TTC28: variants seen among roughly 807,000 people sequenced by gnomAD.
TTC28 encodes tetratricopeptide repeat domain 28, also known as tetratricopeptide repeat protein 28.
Under a neutral mutation model 198.0 loss-of-function variants are expected in TTC28, and 61 were observed. That is an observed-to-expected ratio of 0.31 (90% CI 0.25 to 0.38). The LOEUF (loss-of-function observed/expected upper bound fraction) is 0.38. Among genes scored for constraint, TTC28 ranks in the 10% least tolerant of loss-of-function variants. The pLI is 1.00. For missense variants in TTC28, 2,678 were observed against 3,164.0 expected, an observed-to-expected ratio of 0.85 and a Z score of 3.69; for synonymous variants, 1,171 against 1,297.8, an observed-to-expected ratio of 0.90 and a Z score of 2.10.
chr22:28,337,466 TG>T (rs996792322), intron 2 of TTC28, among the ~76,000 whole-genome samples: 1 of 152,172 alleles, frequency 6.6e-6, no homozygotes, highest in Non-Finnish European at 1.5e-5. Context: ...TATTATTGTG[TG>T]GGGGTCTAAG....
chr22:28,562,864 T>C (rs1402311639), intron 2 of TTC28, among the ~76,000 whole-genome samples: 1 of 152,242 alleles, frequency 6.6e-6, no homozygotes, highest in East Asian at 1.9e-4. Context: ...GGCTCATGCC[T>C]GTAATCCCAG....
chr22:28,189,544 CAT>C (rs1422884223), intron 5 of TTC28, among the ~76,000 whole-genome samples: 1 of 149,176 alleles, frequency 6.7e-6, no homozygotes, highest in Non-Finnish European at 1.5e-5. Context: ...AAACTGAACA[CAT>C]GAGATTCTAC....
intron 2 of TTC28, among the ~76,000 whole-genome samples, chr22:28,505,181 C>T (rs932948008): frequency 1.4e-5 from 2 of 144,108 alleles, no homozygotes; most frequent in Non-Finnish European, 3.0e-5. Flanking sequence ...TGCTTGAATC[C>T]AGGAGGCGGA....
At position 28,055,337 on chromosome 22, in the gene TTC28, T is replaced by C. The variant is rs988750485; in HGVS notation, c.3933-24971A>G. 2.0e-5 allele frequency among the ~76,000 whole-genome samples: 3 copies of C among 152,024 alleles called. No individual in the cohort carries two copies. The East Asian group carries it at 5.8e-4, about 29-fold the overall frequency. On this transcript the variant is annotated intron_variant, in intron 12 of 22. Coordinates refer to ENST00000397906, the MANE Select transcript of TTC28 (RefSeq NM_001145418.2). ...TAGAACGATTAGTGGAAGAGCAAGA[T>C]TGGTATACACAAATCAATACTTCTA...
chr22:28,279,823 G>A (rs921612328), intron 5 of TTC28, among the ~76,000 whole-genome samples: 1 of 152,298 alleles, frequency 6.6e-6, no homozygotes, highest in Non-Finnish European at 1.5e-5. Context: ...TGATCTGACT[G>A]TTTTCGCTAC....
At chr22:28,389,970 G>C (rs2046687194) in intron 2 of TTC28, among the ~76,000 whole-genome samples, 1 of 151,172 alleles carries the variant, frequency 6.6e-6, no homozygotes, top group Admixed American at 6.6e-5. Flanking sequence ...GCTTTCTCTT[G>C]TGGGCATTTA....
intron 16 of TTC28, 84 bp from the exon 17 acceptor site, chr22:27,996,343 C>T (rs752423667): frequency 8.7e-6 from 13 of 1,500,388 alleles, no homozygotes; most frequent in African/African-American, 2.8e-5. Context: ...ACTTACGCCT[C>T]GAGGTTAACC....
intron 2 of TTC28, among the ~76,000 whole-genome samples, chr22:28,522,230 G>A (rs1351496973): frequency 1.3e-5 from 2 of 152,194 alleles, no homozygotes; most frequent in Non-Finnish European, 2.9e-5. Context: ...GCTCACGCCT[G>A]TAATCCCAAC....
chr22:28,147,600 C>A (rs1463540220), intron 6 of TTC28, among the ~76,000 whole-genome samples: 1 of 152,122 alleles, frequency 6.6e-6, no homozygotes, highest in African/African-American at 2.4e-5. Flanking sequence ...GCTCTAGGCC[C>A]ACACCCCAGC....
At chr22:28,576,516 AC>A (rs2050153186) in intron 2 of TTC28, among the ~76,000 whole-genome samples, 1 of 151,082 alleles carries the variant, frequency 6.6e-6, no homozygotes, top group South Asian at 2.1e-4. Context: ...GTTTGGAAGT[AC>A]TCCTTCCTCC....
chr22:28,532,277 A>T (rs2049157816), intron 2 of TTC28, among the ~76,000 whole-genome samples: 1 of 152,150 alleles, frequency 6.6e-6, no homozygotes, highest in Admixed American at 6.5e-5. Context: ...TATTATAAAC[A>T]CCTCTATGCA....
intron 5 of TTC28, among the ~76,000 whole-genome samples, chr22:28,232,205 A>G (rs1189140763): frequency 6.6e-6 from 1 of 152,218 alleles, no homozygotes; most frequent in Non-Finnish European, 1.5e-5. Context: ...TGGGCATCTG[A>G]CTGAAAGCCA....
intron 14 of TTC28, chr22:28,001,798 G>C (rs1018167404): frequency 3.8e-6 from 2 of 533,220 alleles, no homozygotes; most frequent in African/African-American, 3.8e-5. Context: ...GTCCTGAGAA[G>C]GTTAGAGGAC....
At chr22:28,044,385 T>A (rs932922348) in intron 12 of TTC28, among the ~76,000 whole-genome samples, 3 of 152,198 alleles carry the variant, frequency 2.0e-5, no homozygotes, top group Non-Finnish European at 4.4e-5. Flanking sequence ...ATGAATTCTG[T>A]GTGCTTTGCT....
At chr22:28,033,310 T>G (rs1939207492) in intron 12 of TTC28, among the ~76,000 whole-genome samples, 2 of 152,150 alleles carry the variant, frequency 1.3e-5, no homozygotes, top group African/African-American at 4.8e-5. Flanking sequence ...GCCTCATATC[T>G]ATATAGTAGG....
At position 28,004,649 on chromosome 22, in the gene TTC28, G is replaced by A. The variant is rs115793187; in HGVS notation, c.4219-3096C>T. ...CAGGTGACAGTCGCAGCTGTTCTCTGAAATGTGTGGGCTTGTGGGGAGACG... is the reference window on the plus strand; with the variant it reads ...CAGGTGACAGTCGCAGCTGTTCTCTAAAATGTGTGGGCTTGTGGGGAGACG... On this transcript the variant is annotated intron_variant, in intron 14 of 22. Transcript: ENST00000397906. Among the ~76,000 whole-genome samples the A allele has an allele frequency of 3.3e-3, 500 of 152,328 alleles. 2 individuals carry two copies. The highest frequency in any genetic ancestry group is 0.012 in the African/African-American group (486 of 41,580).
intron 5 of TTC28, among the ~76,000 whole-genome samples, chr22:28,270,347 TAAAG>T (rs767389659): frequency 6.6e-6 from 1 of 151,936 alleles, no homozygotes; most frequent in South Asian, 2.1e-4. Context: ...AAAAACAAAA[TAAAG>T]AGAGATAGGA....
intron 2 of TTC28, among the ~76,000 whole-genome samples, chr22:28,431,949 G>C (rs541575566): frequency 3.3e-5 from 5 of 151,642 alleles, no homozygotes; most frequent in Non-Finnish European, 5.9e-5. Context: ...CTGCACTCCA[G>C]CTTAGGCAAC....
chr22:28,225,862 G>C (rs2037729118), intron 5 of TTC28, among the ~76,000 whole-genome samples: 1 of 152,156 alleles, frequency 6.6e-6, no homozygotes, highest in African/African-American at 2.4e-5. Context: ...ATTTTGTAGA[G>C]CTTCATATAA....
Sources: allele counts gnomAD v4.1 joint callset (sites outside exome capture counted in the v4.1 genomes callset), GRCh38; gene constraint gnomAD v4.1.1; transcripts MANE v1.5; gene names NCBI Gene and HGNC (gene_info 2026-07-23, HGNC 2026-07-21).